The following ADGRB3 variants were observed in gnomAD, a reference collection of about 807,000 sequenced individuals.
The protein encoded by ADGRB3 is brain-specific angiogenesis inhibitor 3.
Under a neutral mutation model 193.4 loss-of-function variants are expected in ADGRB3, and 37 were observed. The observed-to-expected ratio is 0.19, with a 90% CI of 0.15 to 0.25. The LOEUF (loss-of-function observed/expected upper bound fraction) is 0.25. ADGRB3 is among the 10% of genes least tolerant of loss of function. ADGRB3 has a pLI of 1.00. For missense variants in ADGRB3, 1,637 were observed against 1,852.9 expected, an observed-to-expected ratio of 0.88 and a Z score of 2.14; for synonymous variants, 690 against 644.2, an observed-to-expected ratio of 1.07 and a Z score of -1.08.
At chr6:68,859,701 G>T (rs1376264528) in intron 3 of ADGRB3, among the ~76,000 whole-genome samples, 1 of 152,064 alleles carries the variant, frequency 6.6e-6, no homozygotes, top group Non-Finnish European at 1.5e-5. Context: ...CCCACCCCTA[G>T]GATTCAATTA....
chr6:68,644,488 C>T (rs117505479), intron 3 of ADGRB3, among the ~76,000 whole-genome samples: 201 of 152,184 alleles, frequency 1.3e-3, no homozygotes, highest in Non-Finnish European at 2.1e-3. Context: ...CTGGCCCTAG[C>T]ATTACTTGTA....
intron 3 of ADGRB3, among the ~76,000 whole-genome samples, chr6:68,674,331 C>T (rs1769033347): frequency 1.3e-5 from 2 of 152,006 alleles, no homozygotes; most frequent in African/African-American, 4.8e-5. Context: ...CGGCATGAAA[C>T]ATTGTAAGAC....
intron 3 of ADGRB3, among the ~76,000 whole-genome samples, chr6:68,916,054 G>C (rs976631886): frequency 1.3e-5 from 2 of 151,720 alleles, no homozygotes; most frequent in African/African-American, 2.4e-5. Context: ...GCAACACAAG[G>C]AGCAAACCAA....
At chr6:69,313,318 A>G (rs1226056425) in intron 20 of ADGRB3, among the ~76,000 whole-genome samples, 5 of 151,832 alleles carry the variant, frequency 3.3e-5, no homozygotes. Flanking sequence ...AAAACCTATG[A>G]TCTTTTTATA....
At chr6:69,301,250 A>T (rs1422776246) in intron 20 of ADGRB3, among the ~76,000 whole-genome samples, 2 of 151,848 alleles carry the variant, frequency 1.3e-5, no homozygotes, top group African/African-American at 2.4e-5. Context: ...ACAATTTTTA[A>T]ATTTATCAAA....
intron 20 of ADGRB3, among the ~76,000 whole-genome samples, chr6:69,278,148 T>C (rs966714708): frequency 7.9e-5 from 12 of 152,218 alleles, no homozygotes; most frequent in East Asian, 1.9e-4. Flanking sequence ...TTCATACTTA[T>C]AGGATTCCAG....
At chr6:68,974,966 T>C in intron 9 of ADGRB3, 102 bp downstream of exon 9, 1 of 992,830 alleles carries the variant, frequency 1.0e-6, no homozygotes, top group Admixed American at 2.5e-5. Context: ...TATCCATAAA[T>C]AAGTCTGTCC....
At chr6:68,809,362 T>C (rs1767467228) in intron 3 of ADGRB3, among the ~76,000 whole-genome samples, 1 of 152,218 alleles carries the variant, frequency 6.6e-6, no homozygotes, top group African/African-American at 2.4e-5. Flanking sequence ...TTTTGAGAAT[T>C]TGAATACCAA....
intron 3 of ADGRB3, among the ~76,000 whole-genome samples, chr6:68,644,400 T>C (rs1768155073): frequency 1.3e-5 from 2 of 152,124 alleles, no homozygotes; most frequent in African/African-American, 4.8e-5. Context: ...TGTATGCCCA[T>C]CTAGAAAAAA....
intron 20 of ADGRB3, among the ~76,000 whole-genome samples, chr6:69,293,625 C>T (rs765536603): frequency 1.3e-5 from 2 of 152,174 alleles, no homozygotes; most frequent in Non-Finnish European, 2.9e-5. Context: ...ACTGCATTCA[C>T]ATGGACACTA....
rs1301552989 is a variant in ADGRB3, at chr6:68,821,337, T to C, written c.758-109222T>C. Among the ~76,000 whole-genome samples the C allele has an allele frequency of 2.6e-5, 4 of 151,990 alleles. No individual in the cohort carries two copies. The East Asian group carries it at 7.7e-4, about 29-fold the overall frequency. The stretch of plus-strand genomic sequence containing the variant: ...GATTTTACATAAGCGTAAATTACTT[T>C]ACATAAGTACAATGTAGATTTTACT... On this transcript the variant is annotated intron_variant, in intron 3 of 31. Coordinates refer to ENST00000370598, the MANE Select transcript of ADGRB3 (RefSeq NM_001704.3).
chr6:69,005,170 T>C (rs1025553813), intron 11 of ADGRB3, among the ~76,000 whole-genome samples: 1 of 152,074 alleles, frequency 6.6e-6, no homozygotes, highest in Non-Finnish European at 1.5e-5. Context: ...ATGGTGTTAG[T>C]ATCATTAACT....
chr6:68,735,728 C>T (rs1389910345), intron 3 of ADGRB3, among the ~76,000 whole-genome samples: 1 of 151,998 alleles, frequency 6.6e-6, no homozygotes, highest in Non-Finnish European at 1.5e-5. Flanking sequence ...ACGCTTATGG[C>T]ATTAGACTGA....
chr6:69,230,146 C>A (rs1044976586), intron 17 of ADGRB3, among the ~76,000 whole-genome samples: 7 of 152,168 alleles, frequency 4.6e-5, no homozygotes, highest in African/African-American at 1.7e-4. Context: ...AGATAGGACA[C>A]TATGAAAAGT....
chr6:68,861,476 G>A (rs1428853492), intron 3 of ADGRB3, among the ~76,000 whole-genome samples: 1 of 151,994 alleles, frequency 6.6e-6, no homozygotes, highest in Non-Finnish European at 1.5e-5. Context: ...GCAGGAGAAT[G>A]GCGTGAACCC....
At chr6:69,161,535 A>G (rs930782083) in intron 17 of ADGRB3, among the ~76,000 whole-genome samples, 6 of 152,136 alleles carry the variant, frequency 3.9e-5, no homozygotes, top group African/African-American at 1.4e-4. Context: ...GTAGGTCTGT[A>G]ATGGATCTTA....
At chr6:69,274,236 C>CGAAA (rs1402283283) in intron 20 of ADGRB3, among the ~76,000 whole-genome samples, 1 of 152,182 alleles carries the variant, frequency 6.6e-6, no homozygotes, top group African/African-American at 2.4e-5. Flanking sequence ...ACAAACCTTT[C>CGAAA]ACCTCTGGGA....
intron 20 of ADGRB3, among the ~76,000 whole-genome samples, chr6:69,279,334 G>A (rs985383383): frequency 1.3e-5 from 2 of 151,650 alleles, no homozygotes; most frequent in Non-Finnish European, 2.9e-5. Flanking sequence ...TGATCATGTG[G>A]CTGACTGGAA....
chr6:69,132,339 T>C (rs913204923), intron 17 of ADGRB3, among the ~76,000 whole-genome samples: 1 of 152,228 alleles, frequency 6.6e-6, no homozygotes, highest in Admixed American at 6.5e-5. Context: ...AGATAGTATC[T>C]CATTGTGGTT....
Sources: allele counts gnomAD v4.1 joint callset (sites outside exome capture counted in the v4.1 genomes callset), GRCh38; gene constraint gnomAD v4.1.1; transcripts MANE v1.5; gene names NCBI Gene and HGNC (gene_info 2026-07-23, HGNC 2026-07-21).